CUX1: variants seen among roughly 807,000 people sequenced by gnomAD.
CUX1 encodes the protein protein CASP.
CUX1 carries 31 observed loss-of-function variants against 158.8 expected under a neutral mutation model. The ratio of observed to expected loss-of-function variants is 0.20; its 90% confidence interval spans 0.15 to 0.26. The LOEUF is 0.26. Ranked by LOEUF, CUX1 falls within the 10% of genes least tolerant of loss-of-function variation. The probability of loss-of-function intolerance (pLI) is 1.00; values close to 1 mark genes in which losing one functional copy is unlikely to be tolerated. For missense variants in CUX1, 1,589 were observed against 2,014.6 expected (o/e 0.79, Z 4.04); for synonymous variants, 879 against 862.1 (o/e 1.02, Z -0.34).
At chr7:101,984,077 C>CAAAAAAAAAAAAAAA (rs1181549351) in intron 2 of CUX1, among the ~76,000 whole-genome samples, 5 of 16,762 alleles carry the variant, frequency 3.0e-4, no homozygotes, top group Non-Finnish European at 4.1e-4. Context: ...TGTCCCCCCC[C>CAAAAAAAAAAAAAAA]AAAAAAAAAA....
At position 102,257,215 on chromosome 7, in the gene CUX1, C is replaced by A. The variant is rs1554542318; in HGVS notation, c.*8173C>A. The A allele has an allele frequency of 1.0e-6, 1 of 985,308 alleles. No individual in the cohort carries two copies. The highest frequency in any genetic ancestry group is 1.7e-5 in the African/African-American group (1 of 57,236). 61.0% of individuals were successfully genotyped at this position (985,308 alleles called of 1,614,324 possible). A position where few individuals can be genotyped will look rare whatever the true frequency, so the allele number is the denominator to read the frequency against. ...AGCATCTCTTTCCATATCATCACCT[C>A]CCCTTCTCCAAGATTGCCGGGGGCC... On this transcript the variant is annotated 3_prime_UTR_variant, in exon 24 of 24. Coordinates refer to ENST00000292535, the MANE Select transcript of CUX1 (RefSeq NM_181552.4).
intron 2 of CUX1, among the ~76,000 whole-genome samples, chr7:101,953,144 A>C (rs973470967): frequency 6.6e-6 from 1 of 152,144 alleles, no homozygotes; most frequent in Admixed American, 6.5e-5. Context: ...AAGAGCTTGC[A>C]GTGGAAGGCC....
intron 1 of CUX1, among the ~76,000 whole-genome samples, chr7:101,859,361 C>T (rs1797199788): frequency 6.6e-6 from 1 of 152,228 alleles, no homozygotes; most frequent in South Asian, 2.1e-4. Context: ...GGGGCTGAAC[C>T]TGCGTGATTC....
intron 3 of CUX1, among the ~76,000 whole-genome samples, chr7:102,031,900 T>G (rs1480429669): frequency 6.6e-6 from 1 of 151,630 alleles, no homozygotes; most frequent in Non-Finnish European, 1.5e-5. Context: ...CCTCCCAAAA[T>G]GTGACATTTA....
At chr7:101,881,003 G>A (rs1799648167) in intron 1 of CUX1, among the ~76,000 whole-genome samples, 1 of 152,212 alleles carries the variant, frequency 6.6e-6, no homozygotes, top group Non-Finnish European at 1.5e-5. Flanking sequence ...GATTGATTTT[G>A]GGGGAGCCCC....
chr7:102,132,680 C>CTTTTTTTTTT (rs1174779466), intron 8 of CUX1, among the ~76,000 whole-genome samples: 3 of 115,184 alleles, frequency 2.6e-5, no homozygotes, highest in Non-Finnish European at 5.0e-5. Flanking sequence ...CTTTGCTTTT[C>CTTTTTTTTTT]TTTTTTTTTT....
intron 8 of CUX1, among the ~76,000 whole-genome samples, chr7:102,134,541 CAG>C (rs1833681480): frequency 6.6e-6 from 1 of 152,176 alleles, no homozygotes; most frequent in Non-Finnish European, 1.5e-5. Flanking sequence ...GTCAGACTGA[CAG>C]TGTCTTGACC....
At position 102,249,010 on chromosome 7, in the gene CUX1, A is replaced by G; in HGVS notation, c.4486A>G (p.Ser1496Gly). Residue 1496 changes from serine to glycine, a missense_variant, in exon 24 of 24, where the codon AGC becomes GGC. Around this residue, in one of 8 missense-constraint regions of CUX1, gnomAD observed 344 missense variants for 323.7 expected, o/e 1.06. Coordinates refer to ENST00000292535, the MANE Select transcript of CUX1 (RefSeq NM_181552.4). ...CATCCACCGCCTGGAGAAGGCCGCCAGCCGGGAGGAACCTATCGAATGGGA... is the reference window on the plus strand; with the variant it reads ...CATCCACCGCCTGGAGAAGGCCGCCGGCCGGGAGGAACCTATCGAATGGGA... Reference protein sequence around the residue: ...SIIHRLEKAASREEPIEWEF With the variant: ...SIIHRLEKAAGREEPIEWEF The G allele has an allele frequency of 7.2e-7, 1 of 1,396,906 alleles. No homozygotes were observed. The highest frequency in any genetic ancestry group is 9.4e-7 in the Non-Finnish European group (1 of 1,063,902). 86.5% of individuals were successfully genotyped at this position (1,396,906 alleles called of 1,614,324 possible).
At chr7:102,046,783 G>T (rs1157343064) in intron 3 of CUX1, among the ~76,000 whole-genome samples, 1 of 151,600 alleles carries the variant, frequency 6.6e-6, no homozygotes, top group Non-Finnish European at 1.5e-5. Context: ...GGCTTGCTAC[G>T]TTGCCCAAGA....
At chr7:101,856,753 A>G (rs1325518452) in intron 1 of CUX1, among the ~76,000 whole-genome samples, 1 of 152,140 alleles carries the variant, frequency 6.6e-6, no homozygotes, top group Non-Finnish European at 1.5e-5. Context: ...CGAGGAGTTG[A>G]CAGGTTTTCC....
chr7:102,216,070 G>A (rs1047174566), intron 20 of CUX1, among the ~76,000 whole-genome samples: 5 of 149,706 alleles, frequency 3.3e-5, no homozygotes, highest in African/African-American at 1.0e-4. Flanking sequence ...TTGGGAGGCC[G>A]CAGCGGGAGG....
At chr7:102,117,397 C>CAAAA (rs10633602) in intron 8 of CUX1, among the ~76,000 whole-genome samples, 1,082 of 46,650 alleles carry the variant, frequency 0.023, 196 homozygotes, top group African/African-American at 0.09. Context: ...GACTCCATCG[C>CAAAA]AAAAAAAAAA....
At chr7:102,086,294 T>C (rs1310997868) in intron 4 of CUX1, among the ~76,000 whole-genome samples, 1 of 151,978 alleles carries the variant, frequency 6.6e-6, no homozygotes, top group Admixed American at 6.6e-5. Context: ...TCTGTTCTTA[T>C]TAGCTACTTT....
intron 2 of CUX1, among the ~76,000 whole-genome samples, chr7:101,953,406 A>G (rs542876960): frequency 7.2e-5 from 11 of 152,172 alleles, no homozygotes; most frequent in African/African-American, 2.6e-4. Context: ...ACACTTCCCT[A>G]TGTGTTGTTG....
At chr7:101,854,995 G>T (rs1268236375) in intron 1 of CUX1, among the ~76,000 whole-genome samples, 1 of 152,124 alleles carries the variant, frequency 6.6e-6, no homozygotes, top group Non-Finnish European at 1.5e-5. Flanking sequence ...TCAGCCTCCC[G>T]AAGTGCTGGG....
chr7:101,831,734 TTTA>T lies in CUX1; in HGVS notation c.30+14086_30+14088del, dbSNP rs10654094. Reference sequence around the variant, plus strand: ...TCTTCTGAAGGCCCTGAGAAATAACTTTATTATTATTATTATTATTATTTAGAG... The same window carrying T: ...TCTTCTGAAGGCCCTGAGAAATAACTTTATTATTATTATTATTATTTAGAG... On this transcript the variant is annotated intron_variant, in intron 1 of 23. Coordinates refer to ENST00000292535, the MANE Select transcript of CUX1 (RefSeq NM_181552.4). Among the ~76,000 whole-genome samples, 1,146 of 147,392 alleles carry T rather than the reference TTTA, an allele frequency of 7.8e-3. 8 individuals are homozygous for T. The highest frequency in any genetic ancestry group is 0.028 in the African/African-American group (1,100 of 39,818).
intron 1 of CUX1, among the ~76,000 whole-genome samples, chr7:101,902,883 G>A (rs1054253985): frequency 6.6e-6 from 1 of 152,176 alleles, no homozygotes; most frequent in Non-Finnish European, 1.5e-5. Flanking sequence ...GAGTAGCTGG[G>A]ACTACAGTTG....
chr7:102,004,887 G>T (rs1261902740), intron 2 of CUX1, among the ~76,000 whole-genome samples: 1 of 152,222 alleles, frequency 6.6e-6, no homozygotes, highest in Non-Finnish European at 1.5e-5. Context: ...CGGAGAAAGA[G>T]GCAAAATCAG....
chr7:101,985,870 A>C (rs116758938), intron 2 of CUX1, among the ~76,000 whole-genome samples: 1,771 of 152,314 alleles, frequency 0.012, 28 homozygotes, highest in African/African-American at 0.04. Context: ...GGGAGTTCCC[A>C]CAGGGGTTCT....
Sources: allele counts gnomAD v4.1 joint callset (sites outside exome capture counted in the v4.1 genomes callset), GRCh38; gene constraint gnomAD v4.1.1; regional missense constraint gnomAD v4.1.1; transcripts MANE v1.5; gene names NCBI Gene and HGNC (gene_info 2026-07-23, HGNC 2026-07-21).